EPB41L4A: variants seen among roughly 807,000 people sequenced by gnomAD.
EPB41L4A encodes the protein erythrocyte membrane protein band 4.1 like 4A.
A neutral mutation model predicts 108.6 loss-of-function variants in EPB41L4A; 100 were observed. The ratio of observed to expected loss-of-function variants is 0.92; its 90% confidence interval spans 0.78 to 1.09. EPB41L4A has a LOEUF of 1.09. Ranked by LOEUF, EPB41L4A falls within the 50% of genes least tolerant of loss-of-function variation. The probability of loss-of-function intolerance (pLI) is 0.00; values close to 1 mark genes in which losing one functional copy is unlikely to be tolerated. For synonymous variants in EPB41L4A, 319 were observed against 289.0 expected, an observed-to-expected ratio of 1.10 and a Z score of -1.05; for missense variants, 1,030 against 842.7, an observed-to-expected ratio of 1.22 and a Z score of -2.75.
intron 1 of EPB41L4A, among the ~76,000 whole-genome samples, chr5:112,399,217 C>G (rs1485556263): frequency 2.1e-5 from 3 of 142,450 alleles, no homozygotes; most frequent in African/African-American, 9.3e-5. Flanking sequence ...GTTTCTGCCT[C>G]AGGACCTTTG....
chr5:112,391,080 A>G (rs1252426402), intron 1 of EPB41L4A, among the ~76,000 whole-genome samples: 1 of 152,218 alleles, frequency 6.6e-6, no homozygotes, highest in Non-Finnish European at 1.5e-5. Flanking sequence ...CACCATCATC[A>G]AAGACCAAAG....
At chr5:112,218,383 C>T (rs1747807379) in intron 12 of EPB41L4A, among the ~76,000 whole-genome samples, 1 of 152,154 alleles carries the variant, frequency 6.6e-6, no homozygotes, top group Admixed American at 6.5e-5. Flanking sequence ...GTTTTTCTTC[C>T]TGTGATACGA....
chr5:112,370,706 G>C (rs1759438920), intron 1 of EPB41L4A, among the ~76,000 whole-genome samples: 2 of 152,220 alleles, frequency 1.3e-5, no homozygotes, highest in Admixed American at 1.3e-4. Flanking sequence ...CCTGAGGTCA[G>C]GAGTTCGAGG....
chr5:112,419,146 G>T lies in EPB41L4A; in HGVS notation c.-107C>A. ...TAATTTATTGTCCGCGCCGTGGCGA[G>T]GGTGAGACGAGCAGCTCCCGGCGGG... is the stretch of plus-strand genomic sequence containing the variant. On this transcript the variant is annotated 5_prime_UTR_variant, in exon 1 of 23. Transcript: ENST00000261486. The T allele has an allele frequency of 1.2e-6, 1 of 836,106 alleles. No individual in the cohort carries two copies. Among genetic ancestry groups the T allele is most frequent in the Non-Finnish European group, 1.9e-6 (1 of 514,038 alleles). 51.8% of individuals were successfully genotyped at this position (836,106 alleles called of 1,614,324 possible).
At chr5:112,199,133 A>G (rs746479276) in intron 15 of EPB41L4A, among the ~76,000 whole-genome samples, 9 of 152,210 alleles carry the variant, frequency 5.9e-5, no homozygotes, top group Non-Finnish European at 1.5e-5. Flanking sequence ...AAGTAAGTAT[A>G]TGTAAGTCTT....
intron 2 of EPB41L4A, among the ~76,000 whole-genome samples, chr5:112,284,932 A>G (rs967972728): frequency 1.3e-5 from 2 of 152,198 alleles, no homozygotes; most frequent in Non-Finnish European, 2.9e-5. Context: ...CCTTGGTAAC[A>G]GTCTCAGAAT....
chr5:112,309,787 G>T (rs1754929739), intron 1 of EPB41L4A, among the ~76,000 whole-genome samples: 1 of 152,170 alleles, frequency 6.6e-6, no homozygotes, highest in African/African-American at 2.4e-5. Context: ...AAAGCAGGGG[G>T]AAAGTCAACT....
At chr5:112,198,852 ATAAT>A (rs35594592) in intron 15 of EPB41L4A, among the ~76,000 whole-genome samples, 42,941 of 151,786 alleles carry the variant, frequency 0.28, 7,215 homozygotes, top group South Asian at 0.43. Flanking sequence ...ATCTTTCTAA[ATAAT>A]TAGTTTTTTA....
intron 1 of EPB41L4A, among the ~76,000 whole-genome samples, chr5:112,339,952 A>G (rs1304045189): frequency 6.6e-6 from 1 of 152,172 alleles, no homozygotes; most frequent in Non-Finnish European, 1.5e-5. Flanking sequence ...TGAGAAAACC[A>G]GGGCCTAGAC....
intron 1 of EPB41L4A, among the ~76,000 whole-genome samples, chr5:112,332,570 C>T (rs1026019578): frequency 2.0e-5 from 3 of 152,146 alleles, no homozygotes; most frequent in Non-Finnish European, 4.4e-5. Flanking sequence ...TCTTCTACTC[C>T]CCAACCTGGA....
intron 12 of EPB41L4A, among the ~76,000 whole-genome samples, chr5:112,210,592 G>A (rs978259376): frequency 3.0e-4 from 45 of 152,212 alleles, no homozygotes; most frequent in African/African-American, 1.1e-3. Context: ...ATACACGCTA[G>A]AGGAACCAGC....
chr5:112,241,231 G>T (rs1749763596), intron 9 of EPB41L4A, among the ~76,000 whole-genome samples: 1 of 152,072 alleles, frequency 6.6e-6, no homozygotes, highest in African/African-American at 2.4e-5. Context: ...CACACATAAA[G>T]CAATGAGTAA....
At chr5:112,176,148 C>T (rs1760850340) in intron 18 of EPB41L4A, among the ~76,000 whole-genome samples, 1 of 152,194 alleles carries the variant, frequency 6.6e-6, no homozygotes, top group Non-Finnish European at 1.5e-5. Flanking sequence ...GGCACAACCT[C>T]ACTTAATGCT....
chr5:112,294,945 A>G (rs1265381846), intron 2 of EPB41L4A, among the ~76,000 whole-genome samples: 1 of 152,222 alleles, frequency 6.6e-6, no homozygotes, highest in Non-Finnish European at 1.5e-5. Context: ...GAAAACTGCA[A>G]TTGCAGTGGG....
At chr5:112,253,144 T>C (rs1441328463) in intron 9 of EPB41L4A, among the ~76,000 whole-genome samples, 3 of 152,168 alleles carry the variant, frequency 2.0e-5, no homozygotes, top group Non-Finnish European at 4.4e-5. Flanking sequence ...GACTACTTAT[T>C]AGTTGCAAGA....
At chr5:112,245,957 C>T (rs1292285101) in intron 9 of EPB41L4A, among the ~76,000 whole-genome samples, 1 of 152,166 alleles carries the variant, frequency 6.6e-6, no homozygotes, top group Non-Finnish European at 1.5e-5. Flanking sequence ...CCACATTTCA[C>T]GGTAAGAAAT....
chr5:112,144,571 CTG>C (rs1442233068), intron 13 of EPB41L4A, among the ~76,000 whole-genome samples: 5 of 152,152 alleles, frequency 3.3e-5, no homozygotes, highest in African/African-American at 1.2e-4. Flanking sequence ...GCCACCGCGC[CTG>C]GTCTTGGTTG....
chr5:112,336,329 G>C (rs1756920495), intron 1 of EPB41L4A, among the ~76,000 whole-genome samples: 1 of 152,174 alleles, frequency 6.6e-6, no homozygotes, highest in East Asian at 1.9e-4. Flanking sequence ...GCTGTTCAGA[G>C]TTAGGTGGAG....
intron 9 of EPB41L4A, among the ~76,000 whole-genome samples, chr5:112,254,765 C>A (rs1750950756): frequency 6.6e-6 from 1 of 152,020 alleles, no homozygotes; most frequent in Non-Finnish European, 1.5e-5. Context: ...AGTCACCCCC[C>A]AGTAATGCTC....
Sources: allele counts gnomAD v4.1 joint callset (sites outside exome capture counted in the v4.1 genomes callset), GRCh38; gene constraint gnomAD v4.1.1; transcripts MANE v1.5; gene names NCBI Gene and HGNC (gene_info 2026-07-23, HGNC 2026-07-21).